The following MACROD2 variants were observed in gnomAD, a reference collection of about 807,000 sequenced individuals.
MACROD2 encodes the protein mono-ADP ribosylhydrolase 2.
MACROD2 carries 36 observed loss-of-function variants against 70.4 expected under a neutral mutation model. The observed-to-expected ratio is 0.51, with a 90% CI of 0.39 to 0.68. MACROD2 has a LOEUF of 0.68. Among genes scored for constraint, MACROD2 ranks in the 30% least tolerant of loss-of-function variants. The pLI is 0.00. For missense variants in MACROD2, 496 were observed against 538.4 expected, an observed-to-expected ratio of 0.92 and a Z score of 0.78; for synonymous variants, 172 against 178.8, an observed-to-expected ratio of 0.96 and a Z score of 0.30.
intron 4 of MACROD2, among the ~76,000 whole-genome samples, chr20:14,677,897 A>C (rs981537976): frequency 2.6e-5 from 4 of 152,090 alleles, no homozygotes; most frequent in African/African-American, 7.2e-5. Context: ...ATAAAAGCTG[A>C]TTTTTTTGCA....
chr20:15,473,215 A>G (rs1184549526), intron 7 of MACROD2, among the ~76,000 whole-genome samples: 1 of 152,242 alleles, frequency 6.6e-6, no homozygotes, highest in Non-Finnish European at 1.5e-5. Flanking sequence ...TAGAAACAAT[A>G]TATGGCATGG....
chr20:14,345,611 A>C (rs1157323443), intron 3 of MACROD2, among the ~76,000 whole-genome samples: 1 of 151,494 alleles, frequency 6.6e-6, no homozygotes. Flanking sequence ...TTGTATTTTT[A>C]GTAGAGATGG....
At chr20:14,946,342 C>T (rs2074431982) in intron 5 of MACROD2, among the ~76,000 whole-genome samples, 1 of 152,076 alleles carries the variant, frequency 6.6e-6, no homozygotes, top group Non-Finnish European at 1.5e-5. Context: ...AGTTCTATCA[C>T]ATATCTGTAT....
intron 6 of MACROD2, among the ~76,000 whole-genome samples, chr20:15,341,424 C>G (rs934756218): frequency 3.3e-5 from 5 of 152,070 alleles, no homozygotes; most frequent in Admixed American, 2.6e-4. Context: ...AAAGACTACC[C>G]CATGATAACA....
chr20:14,466,704 G>T (rs1269152515), intron 3 of MACROD2, among the ~76,000 whole-genome samples: 1 of 152,064 alleles, frequency 6.6e-6, no homozygotes, highest in Non-Finnish European at 1.5e-5. Context: ...ATGTACAGAT[G>T]GGTTTTTGGT....
intron 8 of MACROD2, among the ~76,000 whole-genome samples, chr20:15,533,427 T>G (rs2047830282): frequency 6.6e-6 from 1 of 152,212 alleles, no homozygotes. Flanking sequence ...GGACATGTAA[T>G]TTTTCCCATT....
chr20:15,565,203 T>C (rs2048294743), intron 8 of MACROD2, among the ~76,000 whole-genome samples: 1 of 152,184 alleles, frequency 6.6e-6, no homozygotes, highest in South Asian at 2.1e-4. Context: ...AACTTGCATC[T>C]TACAGATTAC....
chr20:15,793,347 T>C (rs2063642988), intron 8 of MACROD2, among the ~76,000 whole-genome samples: 1 of 152,210 alleles, frequency 6.6e-6, no homozygotes, highest in Admixed American at 6.5e-5. Flanking sequence ...TCCCAGGTGA[T>C]ACTGCTGCCT....
chr20:15,989,311 G>T (rs756575915), intron 15 of MACROD2, among the ~76,000 whole-genome samples: 1 of 152,052 alleles, frequency 6.6e-6, no homozygotes, highest in Non-Finnish European at 1.5e-5. Context: ...TATCCATTTG[G>T]TTGGCAGCAC....
At chr20:15,590,297 G>A (rs1485572489) in intron 8 of MACROD2, among the ~76,000 whole-genome samples, 1 of 152,172 alleles carries the variant, frequency 6.6e-6, no homozygotes, top group Admixed American at 6.5e-5. Flanking sequence ...TGTGAGGCAA[G>A]AGTTCATATT....
intron 8 of MACROD2, among the ~76,000 whole-genome samples, chr20:15,629,331 C>T (rs2146747605): frequency 6.6e-6 from 1 of 152,288 alleles, no homozygotes; most frequent in Admixed American, 6.5e-5. Flanking sequence ...AGATTGACCC[C>T]AAATCAGAGT....
At chr20:14,459,550 T>C (rs2084344186) in intron 3 of MACROD2, among the ~76,000 whole-genome samples, 1 of 152,062 alleles carries the variant, frequency 6.6e-6, no homozygotes, top group South Asian at 2.1e-4. Context: ...CTATGGAATA[T>C]ACTTTTTCTT....
intron 5 of MACROD2, among the ~76,000 whole-genome samples, chr20:15,087,352 T>C (rs889157742): frequency 6.6e-6 from 1 of 152,042 alleles, no homozygotes; most frequent in South Asian, 2.1e-4. Flanking sequence ...TACCATGGTA[T>C]TAGCACACTA....
chr20:15,679,450 C>T (rs534530832), intron 8 of MACROD2, among the ~76,000 whole-genome samples: 7 of 149,844 alleles, frequency 4.7e-5, no homozygotes, highest in Middle Eastern at 3.4e-3. Flanking sequence ...CTTGGTGGCC[C>T]CCATGAACTG....
intron 5 of MACROD2, among the ~76,000 whole-genome samples, chr20:14,855,597 GTTTTTTTTTTTTTTTTTT>G (rs71190156): frequency 1.3e-5 from 1 of 77,242 alleles, no homozygotes; most frequent in African/African-American, 5.3e-5. Context: ...ATCCTACCAA[GTTTTTTTTTTTTTTTTTT>G]TTTTTTTTTT....
intron 8 of MACROD2, among the ~76,000 whole-genome samples, chr20:15,812,566 TA>T (rs5840687): frequency 0.19 from 26,984 of 145,032 alleles, 2,573 homozygotes; most frequent in Middle Eastern, 0.31. Context: ...ATATTGGATT[TA>T]AAAAAAAAAA....
chr20:14,420,144 T>TTTTATATA (rs1555789920), intron 3 of MACROD2, among the ~76,000 whole-genome samples: 1 of 148,222 alleles, frequency 6.7e-6, no homozygotes. Flanking sequence ...TCTGTCCTAA[T>TTTTATATA]TATATATATA....
At chr20:14,511,937 A>T (rs2085035564) in intron 4 of MACROD2, among the ~76,000 whole-genome samples, 2 of 150,374 alleles carry the variant, frequency 1.3e-5, no homozygotes, top group South Asian at 4.1e-4. Context: ...CATTTTTTCA[A>T]CTTATTTAGT....
chr20:14,578,816 T>A (rs931223055), intron 4 of MACROD2, among the ~76,000 whole-genome samples: 2 of 152,204 alleles, frequency 1.3e-5, no homozygotes, highest in Non-Finnish European at 2.9e-5. Context: ...TGTAGATGGA[T>A]AATAATTTAC....
Sources: allele counts gnomAD v4.1 joint callset (sites outside exome capture counted in the v4.1 genomes callset), GRCh38; gene constraint gnomAD v4.1.1; transcripts MANE v1.5; gene names NCBI Gene and HGNC (gene_info 2026-07-23, HGNC 2026-07-21).